Variants in DIP2B observed in about 807,000 individuals in gnomAD.
DIP2B encodes the protein disco-interacting protein 2 homolog B.
A neutral mutation model predicts 198.0 loss-of-function variants in DIP2B; 76 were observed. The observed-to-expected ratio is 0.38, with a 90% CI of 0.32 to 0.46. The LOEUF (loss-of-function observed/expected upper bound fraction) is 0.46. DIP2B is among the 20% of genes least tolerant of loss of function. DIP2B has a pLI of 0.99. For synonymous variants in DIP2B, 701 were observed against 739.1 expected, an observed-to-expected ratio of 0.95 and a Z score of 0.84; for missense variants, 1,559 against 1,978.4, an observed-to-expected ratio of 0.79 and a Z score of 4.02.
chr12:50,564,753 T>C (rs1383627170), intron 1 of DIP2B, among the ~76,000 whole-genome samples: 1 of 152,188 alleles, frequency 6.6e-6, no homozygotes, highest in Non-Finnish European at 1.5e-5. Flanking sequence ...TCATAGTATG[T>C]TAATTTTGTC....
chr12:50,741,856 G>A (rs1468616591), intron 37 of DIP2B, among the ~76,000 whole-genome samples: 1 of 152,212 alleles, frequency 6.6e-6, no homozygotes, highest in East Asian at 1.9e-4. Context: ...TCTCTTGAAA[G>A]TCAGCATAAT....
chr12:50,660,554 C>G (rs904341812), intron 4 of DIP2B, among the ~76,000 whole-genome samples: 8 of 152,000 alleles, frequency 5.3e-5, no homozygotes, highest in Admixed American at 2.0e-4. Flanking sequence ...TTCTGAATTT[C>G]CAGTCTTTTT....
At chr12:50,647,128 C>T (rs1938364446) in intron 3 of DIP2B, among the ~76,000 whole-genome samples, 1 of 151,868 alleles carries the variant, frequency 6.6e-6, no homozygotes, top group Admixed American at 6.6e-5. Flanking sequence ...TCTCGTCTCA[C>T]TCCAACCTCC....
At chr12:50,663,555 C>CAAATAAATAAATCAAT (rs1555191043) in intron 4 of DIP2B, among the ~76,000 whole-genome samples, 1 of 141,808 alleles carries the variant, frequency 7.1e-6, no homozygotes, top group Non-Finnish European at 1.5e-5. Context: ...GACTCCGTCT[C>CAAATAAATAAATCAAT]AAATAAATAA....
At chr12:50,698,972 A>G in intron 18 of DIP2B, 94 bp from the exon 19 acceptor site, 1 of 1,439,622 alleles carries the variant, frequency 6.9e-7, no homozygotes, top group East Asian at 2.3e-5. Flanking sequence ...CACTCAGTAA[A>G]GGCAGGACTT....
In DIP2B at chr12:50,626,063, TG is replaced by T. The variant is rs1225323843; in HGVS notation, c.172+18del. The T allele has an allele frequency of 3.7e-6, 6 of 1,612,884 alleles. No homozygotes were observed. In the African/African-American group the frequency reaches 8.0e-5, roughly 22 times the overall value. ...CAGACACAAGGTAGGCAATAAAAAA[TG>T]GTTTCAACTTTTTCAGTATTTTTAC... On this transcript the variant is annotated intron_variant, in intron 2 of 37. Coordinates refer to ENST00000301180, the MANE Select transcript of DIP2B (RefSeq NM_173602.3).
chr12:50,530,765 C>T (rs1958210107), intron 1 of DIP2B, among the ~76,000 whole-genome samples: 1 of 152,096 alleles, frequency 6.6e-6, no homozygotes, highest in Admixed American at 6.6e-5. Flanking sequence ...GAAAGGCGGA[C>T]TGGTAAGTTT....
At chr12:50,658,986 C>T (rs1331946900) in intron 3 of DIP2B, among the ~76,000 whole-genome samples, 2 of 152,072 alleles carry the variant, frequency 1.3e-5, no homozygotes, top group Non-Finnish European at 2.9e-5. Context: ...ACTTGGGAGG[C>T]TGAGACAGGA....
intron 1 of DIP2B, among the ~76,000 whole-genome samples, chr12:50,580,742 G>A (rs1054669560): frequency 6.7e-6 from 1 of 148,490 alleles, no homozygotes; most frequent in Non-Finnish European, 1.5e-5. Context: ...AGAGCTCTGG[G>A]TTGGGGGATG....
chr12:50,596,381 C>T lies in DIP2B; in HGVS notation c.101-29595C>T, dbSNP rs561857670. On this transcript the variant is annotated intron_variant, in intron 1 of 37. Coordinates refer to ENST00000301180, the MANE Select transcript of DIP2B (RefSeq NM_173602.3). ...CAGGTATGGATGGTTGGAGGCAGGT[C>T]GTTAATATCCATAGCCAGTCTGGGC... 2.6e-5 allele frequency among the ~76,000 whole-genome samples: 4 copies of T among 152,228 alleles called. No homozygotes were observed. The East Asian group carries it at 5.8e-4, about 22-fold the overall frequency.
At chr12:50,716,734 C>T (rs1005221494) in intron 23 of DIP2B, among the ~76,000 whole-genome samples, 3 of 152,160 alleles carry the variant, frequency 2.0e-5, no homozygotes, top group Admixed American at 6.6e-5. Flanking sequence ...AGTATAGCAT[C>T]AGCCTATTTA....
intron 1 of DIP2B, among the ~76,000 whole-genome samples, chr12:50,530,937 T>C (rs1160294590): frequency 6.6e-6 from 1 of 152,134 alleles, no homozygotes; most frequent in African/African-American, 2.4e-5. Context: ...GTTGGGTGTG[T>C]GGATTTGGAG....
intron 1 of DIP2B, among the ~76,000 whole-genome samples, chr12:50,593,334 G>A (rs143896935): frequency 0.071 from 10,830 of 151,948 alleles, 821 homozygotes; most frequent in East Asian, 0.36. Context: ...GTGAAACCCC[G>A]TCTCTACTAA....
chr12:50,574,499 T>C (rs958858658), intron 1 of DIP2B, among the ~76,000 whole-genome samples: 1 of 152,240 alleles, frequency 6.6e-6, no homozygotes, highest in Non-Finnish European at 1.5e-5. Context: ...TCATATGCAG[T>C]ATGCAGACCC....
intron 11 of DIP2B, 41 bp from the exon 12 acceptor site, chr12:50,686,532 A>T: frequency 6.3e-7 from 1 of 1,587,056 alleles, no homozygotes; most frequent in Non-Finnish European, 8.6e-7. Context: ...TCATTCCCTG[A>T]TGGCTTAGGC....
At chr12:50,573,185 A>C (rs1249649630) in intron 1 of DIP2B, among the ~76,000 whole-genome samples, 1 of 152,220 alleles carries the variant, frequency 6.6e-6, no homozygotes, top group African/African-American at 2.4e-5. Context: ...TAAAATCCCC[A>C]AATACAGCCA....
intron 1 of DIP2B, among the ~76,000 whole-genome samples, chr12:50,542,015 G>A (rs1215570573): frequency 7.5e-5 from 11 of 147,242 alleles, no homozygotes; most frequent in East Asian, 2.0e-4. Flanking sequence ...AAAAGAGACC[G>A]GGCGCGGTGG....
Position 50,675,521 on chromosome 12 carries a change from C to T in DIP2B, c.916+73C>T, listed in dbSNP as rs1221749334. The stretch of plus-strand genomic sequence containing the variant: ...TTAAGCAGTTACTATGTGTTAGGTA[C>T]TGTAGGGTTAAAGAATGAACAAGAC... On this transcript the variant is annotated intron_variant, in intron 7 of 37. Coordinates refer to ENST00000301180, the MANE Select transcript of DIP2B (RefSeq NM_173602.3). 3 of 1,418,414 alleles carry T rather than the reference C, an allele frequency of 2.1e-6. No individual in the cohort carries two copies. In the Admixed American group the frequency reaches 5.9e-5, roughly 28 times the overall value. The allele number at this position is 1,418,414 out of a possible 1,614,324, so 87.9% of individuals were successfully genotyped here.
At chr12:50,698,040 A>G (rs147046387) in intron 17 of DIP2B, among the ~76,000 whole-genome samples, 1 of 152,062 alleles carries the variant, frequency 6.6e-6, no homozygotes, top group Non-Finnish European at 1.5e-5. Context: ...GACTACAAGC[A>G]TGTGCCATCA....
Sources: gnomAD v4.1 joint callset for allele counts (sites outside exome capture counted in the v4.1 genomes callset) on GRCh38, gnomAD v4.1.1 for gene constraint, MANE v1.5 for transcripts, NCBI Gene and HGNC (gene_info 2026-07-23, HGNC 2026-07-21) for gene names.